KPNA1: variants seen among roughly 807,000 people sequenced by gnomAD.
KPNA1 encodes importin subunit alpha-5.
In KPNA1, 10 loss-of-function variants were observed where a neutral mutation model predicts 70.5. The ratio of observed to expected loss-of-function variants is 0.14; its 90% CI spans 0.09 to 0.24. The LOEUF (loss-of-function observed/expected upper bound fraction) is 0.24, where lower values mean the gene tolerates loss of function less well. Among genes scored for constraint, KPNA1 ranks in the 10% least tolerant of loss-of-function variants. The pLI is 1.00. For synonymous variants in KPNA1, 192 were observed against 221.9 expected (o/e 0.87, Z 1.20); for missense variants, 397 against 637.9 (o/e 0.62, Z 4.07).
At chr3:122,494,945 T>C (rs1048591001) in intron 2 of KPNA1, among the ~76,000 whole-genome samples, 1 of 152,174 alleles carries the variant, frequency 6.6e-6, no homozygotes. Flanking sequence ...AATATAAATA[T>C]ATAATCATGC....
At chr3:122,434,497 G>A (rs1207292914) in intron 11 of KPNA1, among the ~76,000 whole-genome samples, 3 of 152,130 alleles carry the variant, frequency 2.0e-5, no homozygotes, top group Admixed American at 6.5e-5. Context: ...AGCAGTTTAC[G>A]TTAGGTCTGC....
intron 8 of KPNA1, 81 bp from the exon 9 acceptor site, chr3:122,449,818 G>A: frequency 8.7e-7 from 1 of 1,148,204 alleles, no homozygotes; most frequent in Non-Finnish European, 1.2e-6. Flanking sequence ...AGGCAACCAG[G>A]CATGTACTTG....
chr3:122,509,437 G>C (rs1333970572), intron 1 of KPNA1, among the ~76,000 whole-genome samples: 1 of 151,914 alleles, frequency 6.6e-6, no homozygotes, highest in South Asian at 2.1e-4. Context: ...TATAACACAG[G>C]GTATTTGAAA....
chr3:122,438,751 C>T (rs1296852339), intron 10 of KPNA1, among the ~76,000 whole-genome samples: 3 of 152,060 alleles, frequency 2.0e-5, no homozygotes, highest in Non-Finnish European at 4.4e-5. Flanking sequence ...AATAAATTTG[C>T]AACTACTTAA....
intron 1 of KPNA1, among the ~76,000 whole-genome samples, chr3:122,506,945 G>A (rs943723330): frequency 1.3e-5 from 2 of 152,160 alleles, no homozygotes; most frequent in African/African-American, 2.4e-5. Flanking sequence ...CTAGTAGTAT[G>A]TGTAAGACTG....
chr3:122,455,877 A>G (rs375916257), intron 5 of KPNA1, among the ~76,000 whole-genome samples: 26 of 152,116 alleles, frequency 1.7e-4, no homozygotes, highest in African/African-American at 6.3e-4. Context: ...TCAAAGTACT[A>G]TTCACATACT....
intron 5 of KPNA1, chr3:122,460,424 G>A: frequency 1.8e-6 from 1 of 540,844 alleles, no homozygotes; most frequent in Non-Finnish European, 2.4e-6. Flanking sequence ...ATCACTTGAG[G>A]TCAGGAGTTT....
At chr3:122,445,616 C>T (rs374181712) in intron 9 of KPNA1, among the ~76,000 whole-genome samples, 73 of 152,252 alleles carry the variant, frequency 4.8e-4, no homozygotes, top group African/African-American at 1.5e-3. Context: ...CATCAGTTAA[C>T]GGGCAAATTA....
intron 2 of KPNA1, among the ~76,000 whole-genome samples, chr3:122,472,090 G>A (rs563579981): frequency 2.8e-4 from 43 of 152,108 alleles, no homozygotes; most frequent in African/African-American, 1.0e-3. Flanking sequence ...TAATCAACTG[G>A]ATATAATGAA....
intron 2 of KPNA1, among the ~76,000 whole-genome samples, chr3:122,475,988 T>C (rs116188471): frequency 0.016 from 2,380 of 152,284 alleles, 32 homozygotes; most frequent in Non-Finnish European, 0.024. Flanking sequence ...GGGGAAAATC[T>C]GCATATAAGT....
intron 12 of KPNA1, among the ~76,000 whole-genome samples, chr3:122,429,706 C>A (rs2075875031): frequency 6.6e-6 from 1 of 152,034 alleles, no homozygotes; most frequent in Non-Finnish European, 1.5e-5. Context: ...CAAACTGATT[C>A]TAAAGTTTAT....
At chr3:122,449,879 A>C in intron 8 of KPNA1, 142 bp from the exon 9 acceptor site, 1 of 591,286 alleles carries the variant, frequency 1.7e-6, no homozygotes, top group Admixed American at 3.5e-5. Context: ...CAAGTACCTA[A>C]GTGGCATTTC....
chr3:122,473,074 GTCTCAAAAAAATAAAAATAAAA>G (rs1387038697), intron 2 of KPNA1, among the ~76,000 whole-genome samples: 2 of 152,024 alleles, frequency 1.3e-5, no homozygotes, highest in East Asian at 3.9e-4. Context: ...GCGAGACTCT[GTCTCAAAAAAATAAAAATAAAA>G]AAAGAATACT....
intron 11 of KPNA1, among the ~76,000 whole-genome samples, chr3:122,435,766 T>G (rs2075976419): frequency 6.6e-6 from 1 of 152,250 alleles, no homozygotes; most frequent in South Asian, 2.1e-4. Context: ...AATACTCTTA[T>G]AATTTCCTAT....
chr3:122,495,827 T>TA lies in KPNA1; in HGVS notation c.129+609dup, dbSNP rs796319265. On this transcript the variant is annotated intron_variant, in intron 2 of 13. Transcript: ENST00000344337. ...TCAACAGCATTTTCAAAGGAAGGCT[T>TA]AAAAAAAAAAAATCAATGTTCTAAA... Among the ~76,000 whole-genome samples, 269 of 145,632 alleles carry TA rather than the reference T, an allele frequency of 1.8e-3. 1 individual carries two copies. The highest frequency in any genetic ancestry group is 2.8e-3 in the South Asian group (13 of 4,654).
At chr3:122,451,276 T>C (rs540577652) in intron 8 of KPNA1, among the ~76,000 whole-genome samples, 1 of 152,336 alleles carries the variant, frequency 6.6e-6, no homozygotes, top group East Asian at 1.9e-4. Context: ...TTCAATAAGC[T>C]TTACAAATTC....
intron 10 of KPNA1, 130 bp from the exon 11 acceptor site, chr3:122,437,425 G>GT: frequency 1.7e-6 from 1 of 590,296 alleles, no homozygotes; most frequent in Non-Finnish European, 2.8e-6. Flanking sequence ...CTTTATACAG[G>GT]TAAAAAAAAG....
chr3:122,504,702 G>T (rs1236874422), intron 1 of KPNA1, among the ~76,000 whole-genome samples: 1 of 152,158 alleles, frequency 6.6e-6, no homozygotes, highest in African/African-American at 2.4e-5. Flanking sequence ...CACCCCAAGA[G>T]GGGACAACCA....
At chr3:122,505,863 A>C (rs926915710) in intron 1 of KPNA1, among the ~76,000 whole-genome samples, 2 of 152,220 alleles carry the variant, frequency 1.3e-5, no homozygotes, top group Admixed American at 6.5e-5. Flanking sequence ...AGATAACTAC[A>C]ACAGCTCTAA....
Sources: gnomAD v4.1 joint callset for allele counts (sites outside exome capture counted in the v4.1 genomes callset) on GRCh38, gnomAD v4.1.1 for gene constraint, MANE v1.5 for transcripts, NCBI Gene and HGNC (gene_info 2026-07-23, HGNC 2026-07-21) for gene names.